Variants in PPP1CB observed in about 807,000 individuals in gnomAD.
PPP1CB encodes the protein serine/threonine-protein phosphatase PP1-beta catalytic subunit.
PPP1CB carries 2 observed loss-of-function variants against 43.7 expected under a neutral mutation model. The ratio of observed to expected loss-of-function variants is 0.05; its 90% CI spans 0.02 to 0.14. The LOEUF is 0.14. Ranked by LOEUF, PPP1CB falls within the 10% of genes least tolerant of loss-of-function variation. The probability of loss-of-function intolerance (pLI) is 1.00; values close to 1 mark genes in which losing one functional copy is unlikely to be tolerated. For synonymous variants in PPP1CB, 136 were observed against 135.6 expected (o/e 1.00, Z -0.02); for missense variants, 84 against 398.0 (o/e 0.21, Z 6.71).
At chr2:28,756,951 A>G (rs547588552) in intron 1 of PPP1CB, among the ~76,000 whole-genome samples, 53 of 152,294 alleles carry the variant, frequency 3.5e-4, no homozygotes, top group Admixed American at 7.8e-4. Flanking sequence ...TTAGTATACT[A>G]TAGAGTTGTG....
intron 1 of PPP1CB, among the ~76,000 whole-genome samples, chr2:28,755,930 G>T (rs1465587483): frequency 6.6e-6 from 1 of 152,184 alleles, no homozygotes; most frequent in Non-Finnish European, 1.5e-5. Context: ...TCCTGATTAT[G>T]AAAGGGCAGC....
At chr2:28,769,153 C>T (rs1015439255) in intron 1 of PPP1CB, among the ~76,000 whole-genome samples, 3 of 152,122 alleles carry the variant, frequency 2.0e-5, no homozygotes, top group African/African-American at 4.8e-5. Flanking sequence ...GATGGCTGAT[C>T]TATCACCTGA....
intron 1 of PPP1CB, among the ~76,000 whole-genome samples, chr2:28,764,944 G>A (rs113479937): frequency 0.017 from 2,531 of 151,976 alleles, 62 homozygotes; most frequent in African/African-American, 0.057. Flanking sequence ...ATGAGACACC[G>A]TGCATAGGTG....
chr2:28,768,308 G>A (rs1325366704), intron 1 of PPP1CB, among the ~76,000 whole-genome samples: 1 of 152,174 alleles, frequency 6.6e-6, no homozygotes, highest in African/African-American at 2.4e-5. Flanking sequence ...AGGAAGAAAG[G>A]TGGAAGTTTG....
chr2:28,777,923 G>C (rs771656168), intron 2 of PPP1CB, among the ~76,000 whole-genome samples: 5 of 152,088 alleles, frequency 3.3e-5, no homozygotes, highest in African/African-American at 1.2e-4. Flanking sequence ...CAAAATGCTG[G>C]GATTATAGGC....
intron 1 of PPP1CB, among the ~76,000 whole-genome samples, chr2:28,768,376 A>G (rs1335342764): frequency 6.6e-6 from 1 of 152,192 alleles, no homozygotes; most frequent in Non-Finnish European, 1.5e-5. Flanking sequence ...CATAAAATCT[A>G]ACCTCAAAAT....
chr2:28,794,066 A>G, intron 7 of PPP1CB, 69 bp downstream of exon 7: 1 of 1,346,476 alleles, frequency 7.4e-7, no homozygotes, highest in Non-Finnish European at 1.0e-6. Context: ...TTCGTTTTAG[A>G]TTTGTGAAGT....
intron 1 of PPP1CB, among the ~76,000 whole-genome samples, chr2:28,771,302 C>T (rs1343127527): frequency 6.6e-6 from 1 of 152,076 alleles, no homozygotes; most frequent in Non-Finnish European, 1.5e-5. Context: ...CCACCCACCT[C>T]GGCCTCCCAA....
intron 1 of PPP1CB, among the ~76,000 whole-genome samples, chr2:28,766,072 T>A (rs1297627650): frequency 6.6e-6 from 1 of 152,190 alleles, no homozygotes; most frequent in Non-Finnish European, 1.5e-5. Flanking sequence ...TTTTGTAGAA[T>A]AGAGGCTACC....
At chr2:28,769,383 T>C (rs1666851609) in intron 1 of PPP1CB, among the ~76,000 whole-genome samples, 1 of 152,202 alleles carries the variant, frequency 6.6e-6, no homozygotes, top group Admixed American at 6.5e-5. Context: ...ATTACAGGCA[T>C]GTGCCACCAC....
At chr2:28,788,852 T>G in intron 6 of PPP1CB, 43 bp downstream of exon 6, 1 of 1,532,988 alleles carries the variant, frequency 6.5e-7, no homozygotes, top group Non-Finnish European at 8.7e-7. Flanking sequence ...TTTTCTTTCT[T>G]TTTTTTGGGG....
Position 28,797,436 on chromosome 2 carries a change from A to C in PPP1CB, c.880-1763A>C, listed in dbSNP as rs148816144. 9.7e-4 allele frequency among the ~76,000 whole-genome samples: 147 copies of C among 151,832 alleles called. 1 individual carries two copies. The East Asian group carries it at 0.028, about 29-fold the overall frequency. ...TTATAGGTTTTTTTATTACTGATTC[A>C]GTTTTGGAACTTGTTATTGTTCTGT... On this transcript the variant is annotated intron_variant, in intron 7 of 7. Coordinates refer to ENST00000395366, the MANE Select transcript of PPP1CB (RefSeq NM_002709.3).
intron 1 of PPP1CB, among the ~76,000 whole-genome samples, chr2:28,773,585 A>C (rs1162132204): frequency 6.6e-6 from 1 of 152,254 alleles, no homozygotes; most frequent in East Asian, 1.9e-4. Flanking sequence ...AGCAGCGTTC[A>C]GATATCCAAA....
chr2:28,770,307 G>A (rs1349492012), intron 1 of PPP1CB, among the ~76,000 whole-genome samples: 1 of 132,620 alleles, frequency 7.5e-6, no homozygotes, highest in Non-Finnish European at 1.5e-5. Flanking sequence ...AAGCTCAGAA[G>A]ACCTAACTAT....
At chr2:28,796,518 T>A (rs142042181) in intron 7 of PPP1CB, among the ~76,000 whole-genome samples, 65 of 152,268 alleles carry the variant, frequency 4.3e-4, no homozygotes, top group African/African-American at 1.5e-3. Context: ...TTAGCTGTAT[T>A]CCTTGATATT....
intron 1 of PPP1CB, among the ~76,000 whole-genome samples, chr2:28,762,758 T>C (rs543214295): frequency 6.6e-5 from 10 of 152,364 alleles, no homozygotes; most frequent in Admixed American, 3.3e-4. Context: ...TTGGATAATA[T>C]TGATTCAGCT....
chr2:28,751,938 A>C lies in PPP1CB; in HGVS notation c.-187A>C. On this transcript the variant is annotated 5_prime_UTR_variant, in exon 1 of 8. Coordinates refer to ENST00000395366, the MANE Select transcript of PPP1CB (RefSeq NM_002709.3). ...TATTTATTTTCCGTGGGTGCCTCCG[A>C]GTGTGCGCGCGCTCTCGCTACCCGG... The C allele has an allele frequency of 1.6e-6, 1 of 616,810 alleles. No individual in the cohort carries two copies. The highest frequency in any genetic ancestry group is 2.8e-6 in the Non-Finnish European group (1 of 351,222). The allele number at this position is 616,810 out of a possible 1,614,324, so 38.2% of individuals were successfully genotyped here.
chr2:28,781,961 A>G lies in PPP1CB; in HGVS notation c.520+119A>G, dbSNP rs1667164621. 8.1e-6 allele frequency: 6 copies of G among 739,750 alleles called. No homozygotes were observed. In the East Asian group the frequency reaches 1.6e-4, roughly 20 times the overall value. The allele number at this position is 739,750 out of a possible 1,614,324, so 45.8% of individuals were successfully genotyped here. A position where few individuals can be genotyped will look rare whatever the true frequency, so the allele number is the denominator to read the frequency against. ...TGCTTGTATGAAAACTCAAGTGATT[A>G]AAACTGTTTTAAACATGGCTAAACC... On this transcript the variant is annotated intron_variant, in intron 4 of 7. Coordinates refer to ENST00000395366, the MANE Select transcript of PPP1CB (RefSeq NM_002709.3).
At chr2:28,788,968 G>A (rs530613000) in intron 6 of PPP1CB, among the ~76,000 whole-genome samples, 159 bp downstream of exon 6, 2 of 152,106 alleles carry the variant, frequency 1.3e-5, no homozygotes, top group Non-Finnish European at 2.9e-5. Context: ...GGCAGTTCTT[G>A]TGCCTCAGCC....
Sources: allele counts gnomAD v4.1 joint callset (sites outside exome capture counted in the v4.1 genomes callset), GRCh38; gene constraint gnomAD v4.1.1; transcripts MANE v1.5; gene names NCBI Gene and HGNC (gene_info 2026-07-23, HGNC 2026-07-21).